PRKG1: variants seen among roughly 807,000 people sequenced by gnomAD.
PRKG1 encodes protein kinase cGMP-dependent 1.
Under a neutral mutation model 88.1 loss-of-function variants are expected in PRKG1, and 35 were observed. The observed-to-expected ratio is 0.40, with a 90% CI of 0.30 to 0.53. The LOEUF is 0.53. Among genes scored for constraint, PRKG1 ranks in the 20% least tolerant of loss-of-function variants. The pLI, the probability that PRKG1 is intolerant of heterozygous loss-of-function variation, is 0.59. For missense variants in PRKG1, 540 were observed against 839.8 expected, an observed-to-expected ratio of 0.64 and a Z score of 4.41; for synonymous variants, 303 against 292.5, an observed-to-expected ratio of 1.04 and a Z score of -0.37.
chr10:51,225,004 A>G (rs1273640559), intron 2 of PRKG1, among the ~76,000 whole-genome samples: 1 of 152,222 alleles, frequency 6.6e-6, no homozygotes, highest in Non-Finnish European at 1.5e-5. Context: ...GAAAATAGGA[A>G]GAGAGAACTT....
intron 8 of PRKG1, among the ~76,000 whole-genome samples, chr10:52,137,105 G>A (rs1187237403): frequency 6.6e-6 from 1 of 152,044 alleles, no homozygotes; most frequent in Non-Finnish European, 1.5e-5. Context: ...GCAGACATTA[G>A]CACTGTCAAC....
intron 8 of PRKG1, among the ~76,000 whole-genome samples, chr10:52,139,081 T>G (rs1005917236): frequency 9.2e-5 from 14 of 152,080 alleles, no homozygotes; most frequent in African/African-American, 3.1e-4. Context: ...ACTGGGTATG[T>G]TTTAATAGAT....
chr10:51,646,858 C>T (rs1441554383), intron 3 of PRKG1, among the ~76,000 whole-genome samples: 4 of 151,958 alleles, frequency 2.6e-5, no homozygotes, highest in African/African-American at 7.2e-5. Context: ...ATTCAAAGTA[C>T]TTATATATGG....
At chr10:52,169,641 C>T (rs1441261916) in intron 9 of PRKG1, among the ~76,000 whole-genome samples, 1 of 152,208 alleles carries the variant, frequency 6.6e-6, no homozygotes, top group Non-Finnish European at 1.5e-5. Context: ...TGTTACTTAA[C>T]AAATTGGATT....
At chr10:51,498,850 T>C (rs79429348) in intron 3 of PRKG1, among the ~76,000 whole-genome samples, 1,571 of 152,060 alleles carry the variant, frequency 0.01, 24 homozygotes, top group African/African-American at 0.036. Flanking sequence ...TCTTTCTTCA[T>C]GTTTTTTTCC....
intron 8 of PRKG1, 121 bp downstream of exon 8, chr10:52,134,026 A>G (rs528886100): frequency 1.0e-5 from 8 of 770,210 alleles, no homozygotes; most frequent in Admixed American, 6.2e-5. Context: ...TCATTTTTAA[A>G]TGAATTCTGT....
At chr10:51,290,347 G>A (rs1330829534) in intron 2 of PRKG1, among the ~76,000 whole-genome samples, 3 of 152,150 alleles carry the variant, frequency 2.0e-5, no homozygotes, top group Non-Finnish European at 4.4e-5. Flanking sequence ...GCTGCATTTT[G>A]TGCTCAGATA....
chr10:52,055,445 ATACT>A (rs1177140311), intron 6 of PRKG1, among the ~76,000 whole-genome samples: 1 of 152,214 alleles, frequency 6.6e-6, no homozygotes, highest in Non-Finnish European at 1.5e-5. Context: ...ATGAAAAATC[ATACT>A]TTATTTCTAA....
intron 3 of PRKG1, among the ~76,000 whole-genome samples, chr10:51,640,579 T>C (rs2132296628): frequency 6.6e-6 from 1 of 152,244 alleles, no homozygotes; most frequent in East Asian, 1.9e-4. Flanking sequence ...CAGCTGTGAA[T>C]TATTTTTTCT....
At chr10:52,238,698 T>A (rs1394632758) in intron 9 of PRKG1, among the ~76,000 whole-genome samples, 2 of 147,606 alleles carry the variant, frequency 1.4e-5, no homozygotes, top group Non-Finnish European at 3.0e-5. Flanking sequence ...TGTGGAGAAA[T>A]AGGAACACTT....
At position 51,668,680 on chromosome 10, in the gene PRKG1, G is replaced by A. The variant is rs146575638; in HGVS notation, c.593-135905G>A. On this transcript the variant is annotated intron_variant, in intron 3 of 17. Transcript: ENST00000373980. ...GAGCCATCATTTTTGTAACTGGTATGAATCTTTACAATTCTATTCAAAATT... is the reference window on the plus strand; with the variant it reads ...GAGCCATCATTTTTGTAACTGGTATAAATCTTTACAATTCTATTCAAAATT... 6.2e-3 allele frequency among the ~76,000 whole-genome samples: 947 copies of A among 151,982 alleles called. 5 individuals carry two copies. Among genetic ancestry groups the A allele is most frequent in the Non-Finnish European group, 0.01 (702 of 67,976 alleles).
chr10:51,082,244 G>T (rs1844130132), intron 1 of PRKG1, among the ~76,000 whole-genome samples: 2 of 152,098 alleles, frequency 1.3e-5, no homozygotes. Flanking sequence ...CTCTCTTACT[G>T]CCCAAAGGGT....
chr10:51,989,404 C>T (rs1253406406), intron 5 of PRKG1, among the ~76,000 whole-genome samples: 14 of 151,720 alleles, frequency 9.2e-5, no homozygotes, highest in South Asian at 4.2e-4. Context: ...CTGGAAGGGA[C>T]GGATGAGGCA....
At chr10:51,604,304 T>C (rs1838696651) in intron 3 of PRKG1, among the ~76,000 whole-genome samples, 1 of 152,218 alleles carries the variant, frequency 6.6e-6, no homozygotes, top group Non-Finnish European at 1.5e-5. Context: ...GCTCTGATTC[T>C]TTCATACAGA....
At chr10:51,772,537 A>G (rs549612083) in intron 3 of PRKG1, among the ~76,000 whole-genome samples, 178 of 152,212 alleles carry the variant, frequency 1.2e-3, no homozygotes, top group Admixed American at 1.4e-3. Context: ...ATACAGAATG[A>G]AAGTCTGGTA....
intron 2 of PRKG1, among the ~76,000 whole-genome samples, chr10:51,400,542 C>T (rs573722241): frequency 2.0e-5 from 3 of 152,182 alleles, no homozygotes; most frequent in East Asian, 1.9e-4. Context: ...AACATCCAGA[C>T]GTAGAAAGAA....
chr10:51,700,028 T>G (rs1359859510), intron 3 of PRKG1, among the ~76,000 whole-genome samples: 1 of 152,256 alleles, frequency 6.6e-6, no homozygotes, highest in East Asian at 1.9e-4. Context: ...ATGTGGCCTT[T>G]TATTATAGTA....
At chr10:51,634,904 A>G (rs2132286918) in intron 3 of PRKG1, among the ~76,000 whole-genome samples, 1 of 152,266 alleles carries the variant, frequency 6.6e-6, no homozygotes, top group East Asian at 1.9e-4. Context: ...TCACATGGAC[A>G]CAAAGAAGAG....
chr10:51,358,855 T>C (rs1842420269), intron 2 of PRKG1, among the ~76,000 whole-genome samples: 1 of 151,232 alleles, frequency 6.6e-6, no homozygotes, highest in South Asian at 2.1e-4. Flanking sequence ...AAATATTATT[T>C]AAAAGGACAG....
Sources: gnomAD v4.1 joint callset for allele counts (sites outside exome capture counted in the v4.1 genomes callset) on GRCh38, gnomAD v4.1.1 for gene constraint, MANE v1.5 for transcripts, NCBI Gene and HGNC (gene_info 2026-07-23, HGNC 2026-07-21) for gene names.